MARK1: variants seen among roughly 807,000 people sequenced by gnomAD.
MARK1 encodes serine/threonine-protein kinase MARK1.
A neutral mutation model predicts 96.3 loss-of-function variants in MARK1; 40 were observed. The observed-to-expected ratio is 0.42, with a 90% CI of 0.32 to 0.54. The LOEUF (loss-of-function observed/expected upper bound fraction) is 0.54, where lower values mean the gene tolerates loss of function less well. MARK1 is among the 20% of genes least tolerant of loss of function. The pLI is 0.16. For missense variants in MARK1, 719 were observed against 984.6 expected (o/e 0.73, Z 3.61); for synonymous variants, 317 against 341.2 (o/e 0.93, Z 0.78).
rs755833439 is a variant in MARK1, at chr1:220,635,396, A to G, written c.1143A>G (p.Leu381=). 5 of 1,590,756 alleles carry G rather than the reference A, an allele frequency of 3.1e-6. No homozygotes were observed. In the South Asian group the frequency reaches 4.5e-5, roughly 14 times the overall value. ...KPPEFEGGES[L]SSGNLCQRSR... is the part of the protein sequence containing the mutation. Reference sequence around the variant, plus strand: ...TATAGTTTGAAGGTGGTGAATCGTTATCCAGTGGAAACTTGTGTCAGAGGT... The same window carrying G: ...TATAGTTTGAAGGTGGTGAATCGTTGTCCAGTGGAAACTTGTGTCAGAGGT... Residue 381 remains leucine (L), a synonymous_variant, in exon 12 of 18, where the codon TTA becomes TTG. Transcript: ENST00000366917.
intron 13 of MARK1, among the ~76,000 whole-genome samples, chr1:220,641,921 G>A (rs991330475): frequency 9.8e-5 from 15 of 152,310 alleles, no homozygotes; most frequent in African/African-American, 3.4e-4. Flanking sequence ...CTCATGGATC[G>A]GGAGATTCCC....
chr1:220,657,726 T>C, intron 16 of MARK1, 64 bp from the exon 17 acceptor site: 1 of 1,174,952 alleles, frequency 8.5e-7, no homozygotes, highest in African/African-American at 1.6e-5. Flanking sequence ...TAATTTTAGA[T>C]ATAGGTTTTC....
intron 3 of MARK1, among the ~76,000 whole-genome samples, chr1:220,585,935 C>T (rs1664567236): frequency 6.6e-6 from 1 of 151,936 alleles, no homozygotes; most frequent in Non-Finnish European, 1.5e-5. Context: ...TAGACAAAGT[C>T]ACTGTTATCT....
intron 13 of MARK1, among the ~76,000 whole-genome samples, chr1:220,649,039 T>C (rs373296875): frequency 5.9e-5 from 9 of 152,350 alleles, no homozygotes; most frequent in African/African-American, 2.2e-4. Flanking sequence ...TGTAAAACTT[T>C]AGTATCACTT....
intron 1 of MARK1, among the ~76,000 whole-genome samples, chr1:220,555,694 GA>G (rs1404115788): frequency 6.6e-6 from 1 of 152,198 alleles, no homozygotes; most frequent in Non-Finnish European, 1.5e-5. Flanking sequence ...TTGGCTATGA[GA>G]AATCTGAAGT....
Position 220,579,426 on chromosome 1 carries a change from C to T in MARK1, c.124C>T (p.Arg42Trp), listed in dbSNP as rs755425979. The T allele has an allele frequency of 3.0e-5, 48 of 1,613,882 alleles. No homozygotes were observed. Among genetic ancestry groups the T allele is most frequent in the Admixed American group, 8.3e-5 (5 of 59,988 alleles). ...GTCGAGTAGCAGACAGAACATCCCCCGGTGTAGAAACTCCATTACGTCAGC... is the reference window on the plus strand; with the variant it reads ...GTCGAGTAGCAGACAGAACATCCCCTGGTGTAGAAACTCCATTACGTCAGC... ...TKSSSRQNIP[R>W]CRNSITSATD... Residue 42 changes from arginine to tryptophan, a missense_variant, in exon 2 of 18, where the codon CGG (arginine) becomes TGG (tryptophan). Physicochemically the swap from Arg to Trp is moderately radical, Grantham distance 101. This residue lies in a region of MARK1 where 105 missense variants were observed against 133.4 expected (regional missense o/e 0.79). Coordinates refer to ENST00000366917, the MANE Select transcript of MARK1 (RefSeq NM_018650.5).
chr1:220,644,283 A>G (rs1668452343), intron 13 of MARK1, among the ~76,000 whole-genome samples: 1 of 152,194 alleles, frequency 6.6e-6, no homozygotes, highest in African/African-American at 2.4e-5. Flanking sequence ...TTCTGACAAA[A>G]TAGACTTTAA....
chr1:220,629,692 T>C (rs568170873), intron 9 of MARK1, among the ~76,000 whole-genome samples: 1 of 152,330 alleles, frequency 6.6e-6, no homozygotes, highest in South Asian at 2.1e-4. Context: ...TCTGTATAAG[T>C]AGAATCATGC....
chr1:220,652,528 T>G (rs1185299609), intron 15 of MARK1, among the ~76,000 whole-genome samples: 1 of 152,210 alleles, frequency 6.6e-6, no homozygotes, highest in African/African-American at 2.4e-5. Context: ...TTGTTCTTAA[T>G]AAAACCAGGC....
intron 1 of MARK1, among the ~76,000 whole-genome samples, chr1:220,538,784 G>T (rs1052904340): frequency 8.6e-5 from 13 of 151,870 alleles, no homozygotes; most frequent in Admixed American, 5.9e-4. Flanking sequence ...GGTCCTTCAC[G>T]TCCCTTGTAA....
intron 15 of MARK1, 49 bp downstream of exon 15, chr1:220,652,199 T>C: frequency 1.4e-6 from 2 of 1,449,020 alleles, no homozygotes; most frequent in South Asian, 1.3e-5. Context: ...TTTCTAAAAA[T>C]ATAGCACCAT....
At chr1:220,624,593 C>T (rs977664739) in intron 9 of MARK1, among the ~76,000 whole-genome samples, 5 of 146,488 alleles carry the variant, frequency 3.4e-5, no homozygotes, top group African/African-American at 5.1e-5. Context: ...AGCAAAACTC[C>T]GTCTCAAAAA....
chr1:220,630,381 T>C (rs1667620316), intron 9 of MARK1, among the ~76,000 whole-genome samples: 1 of 152,206 alleles, frequency 6.6e-6, no homozygotes, highest in African/African-American at 2.4e-5. Flanking sequence ...TGCAAATATT[T>C]TTCCCATTCT....
chr1:220,599,400 C>A lies in MARK1; in HGVS notation c.359-398C>A, dbSNP rs78455382. 3.8e-3 allele frequency among the ~76,000 whole-genome samples: 580 copies of A among 152,054 alleles called. 2 individuals carry two copies. The highest frequency in any genetic ancestry group is 0.013 in the African/African-American group (553 of 41,536). On this transcript the variant is annotated intron_variant, in intron 4 of 17. Coordinates refer to ENST00000366917, the MANE Select transcript of MARK1 (RefSeq NM_018650.5). ...AAACTTTCATAATATCACAGAAATA[C>A]AGAAATTCTTTTGTTTCTGTACCAA... is the stretch of plus-strand genomic sequence containing the variant.
chr1:220,629,962 C>A (rs570430241), intron 9 of MARK1, among the ~76,000 whole-genome samples: 2 of 152,200 alleles, frequency 1.3e-5, no homozygotes, highest in East Asian at 3.9e-4. Context: ...TGGATAAATA[C>A]CCAGAAGTGG....
intron 1 of MARK1, among the ~76,000 whole-genome samples, chr1:220,554,998 C>T (rs1159585398): frequency 1.3e-5 from 2 of 152,142 alleles, no homozygotes; most frequent in African/African-American, 2.4e-5. Context: ...GTCCTTAATT[C>T]GCAGGCCAAG....
Position 220,650,577 on chromosome 1 carries a change from ATATATT to A in MARK1, c.1471-38_1471-33del, listed in dbSNP as rs749247557. ...AATACATTTCTTTGGCTTTCCACAA[ATATATT>A]TATAATTTTTTAATTGCCTTTTTTT... On this transcript the variant is annotated intron_variant, in intron 13 of 17. Transcript: ENST00000366917. 2.6e-5 allele frequency: 33 copies of A among 1,285,802 alleles called. No homozygotes were observed. In the African/African-American group the frequency reaches 2.8e-4, roughly 11 times the overall value. The allele number at this position is 1,285,802 out of a possible 1,614,324, so 79.6% of individuals were successfully genotyped here. A position where few individuals can be genotyped will look rare whatever the true frequency, so the allele number is the denominator to read the frequency against.
At chr1:220,651,521 T>C (rs911828198) in intron 14 of MARK1, among the ~76,000 whole-genome samples, 1 of 152,210 alleles carries the variant, frequency 6.6e-6, no homozygotes, top group Non-Finnish European at 1.5e-5. Context: ...AGTTAACCTA[T>C]TGACTCATAA....
chr1:220,635,450 C>T lies in MARK1; in HGVS notation c.1197C>T (p.Ser399=). ...GGCCCAGTAGTGACTTAAACAACAG[C>T]ACTCTTCAGTCCCCTGCTCACCTGA... ...RSRPSSDLNN[S]TLQSPAHLKV... The change falls in exon 12 of 18, where the codon AGC becomes AGT. Residue 399 remains serine (S), a synonymous_variant. Coordinates refer to ENST00000366917, the MANE Select transcript of MARK1 (RefSeq NM_018650.5). 1 of 1,613,500 alleles carries T rather than the reference C, an allele frequency of 6.2e-7. No individual in the cohort carries two copies. The highest frequency in any genetic ancestry group is 8.5e-7 in the Non-Finnish European group (1 of 1,179,904).
Sources: gnomAD v4.1 joint callset for allele counts (sites outside exome capture counted in the v4.1 genomes callset) on GRCh38, gnomAD v4.1.1 for gene constraint, gnomAD v4.1.1 regional missense constraint, MANE v1.5 for transcripts, NCBI Gene and HGNC (gene_info 2026-07-23, HGNC 2026-07-21) for gene names.